Variants in TRAPPC3 observed in about 807,000 individuals in gnomAD.
TRAPPC3 encodes trafficking protein particle complex 3.
Under a neutral mutation model 18.2 loss-of-function variants are expected in TRAPPC3, and 5 were observed. The ratio of observed to expected loss-of-function variants is 0.28; its 90% CI spans 0.14 to 0.58. TRAPPC3 has a LOEUF of 0.58. Among genes scored for constraint, TRAPPC3 ranks in the 20% least tolerant of loss-of-function variants. The pLI is 0.91. For synonymous variants in TRAPPC3, 65 were observed against 84.2 expected (o/e 0.77, Z 1.25); for missense variants, 176 against 225.9 (o/e 0.78, Z 1.41).
intron 1 of TRAPPC3, among the ~76,000 whole-genome samples, chr1:36,145,197 A>AT (rs199723689): frequency 0.062 from 8,974 of 145,374 alleles, 733 homozygotes; most frequent in East Asian, 0.26. Flanking sequence ...AATTTTTTGT[A>AT]TTTTTTTTCT....
chr1:36,149,213 G>A (rs1644245710), intron 1 of TRAPPC3, 124 bp downstream of exon 1: 6 of 1,533,974 alleles, frequency 3.9e-6, no homozygotes, highest in Non-Finnish European at 5.3e-6. Context: ...CCCAGCAAGA[G>A]GCTTCCCCTT....
chr1:36,140,190 C>T (rs1452563769), intron 1 of TRAPPC3, 24 bp from the exon 2 acceptor site: 5 of 1,470,806 alleles, frequency 3.4e-6, no homozygotes, highest in Non-Finnish European at 4.6e-6. Flanking sequence ...AAAAGGCAGT[C>T]AGGACCAAGC....
In TRAPPC3 at chr1:36,137,460, G is replaced by A. The variant is rs534654913; in HGVS notation, c.424-138C>T. 1.6e-5 allele frequency: 14 copies of A among 863,960 alleles called. No homozygotes were observed. In the South Asian group the frequency reaches 1.8e-4, roughly 11 times the overall value. 53.5% of individuals were successfully genotyped at this position (863,960 alleles called of 1,614,324 possible). A position where few individuals can be genotyped will look rare whatever the true frequency, so the allele number is the denominator to read the frequency against. Reference sequence around the variant, plus strand: ...TTCCCACAAGGACAAGATTGACAGCGCCAACATTCTGTTGCATAAGACAAT... The same window carrying A: ...TTCCCACAAGGACAAGATTGACAGCACCAACATTCTGTTGCATAAGACAAT... On this transcript the variant is annotated intron_variant, in intron 4 of 4. Coordinates refer to ENST00000373166, the MANE Select transcript of TRAPPC3 (RefSeq NM_014408.5).
Position 36,139,740 on chromosome 1 carries a change from T to C in TRAPPC3, c.220A>G (p.Thr74Ala). 5.0e-6 allele frequency: 8 copies of C among 1,614,102 alleles called. No individual in the cohort carries two copies. The highest frequency in any genetic ancestry group is 6.8e-6 in the Non-Finnish European group (8 of 1,180,024). ...ATGACCTTGGCAATGACATCCGCAG[T>C]TTCCCGAAAGTCATGGCACCTCCCA... is the stretch of plus-strand genomic sequence containing the variant. ...NVGRCHDFRETADVIAKVAFK... is the reference protein window; with the variant it reads ...NVGRCHDFREAADVIAKVAFK... The change falls in exon 3 of 5, where the codon ACT (threonine) becomes GCT (alanine). Residue 74 changes from threonine to alanine, a missense_variant. Around this residue, in one of 2 missense-constraint regions of TRAPPC3, gnomAD observed 147 missense variants for 164.3 expected, o/e 0.89. Transcript: ENST00000373166.
At chr1:36,139,036 C>CA (rs1472399971) in intron 3 of TRAPPC3, among the ~76,000 whole-genome samples, 13 of 95,168 alleles carry the variant, frequency 1.4e-4, no homozygotes, top group African/African-American at 5.4e-4. Context: ...GACTCCATCT[C>CA]AAAAAAAAGA....
At chr1:36,147,205 C>T (rs1328104623) in intron 1 of TRAPPC3, among the ~76,000 whole-genome samples, 1 of 152,090 alleles carries the variant, frequency 6.6e-6, no homozygotes, top group Non-Finnish European at 1.5e-5. Context: ...TGCCTGTAAT[C>T]CTAGCTACTC....
upstream of TRAPPC3, chr1:36,149,506 G>T: frequency 7.9e-7 from 1 of 1,268,740 alleles, no homozygotes; most frequent in Non-Finnish European, 1.1e-6. Flanking sequence ...CGCCTGCGCG[G>T]CCTCCCGCGG....
chr1:36,148,050 G>A (rs1031419950), intron 1 of TRAPPC3, among the ~76,000 whole-genome samples: 4 of 152,128 alleles, frequency 2.6e-5, no homozygotes, highest in Admixed American at 1.3e-4. Flanking sequence ...TTAATATTAG[G>A]TAGACATTAC....
At chr1:36,152,629 CTCTT>C (rs1309931223), upstream of TRAPPC3, among the ~76,000 whole-genome samples, 1 of 151,320 alleles carries the variant, frequency 6.6e-6, no homozygotes, top group African/African-American at 2.4e-5. Context: ...CTTTAGTATA[CTCTT>C]TTTTTAAAGA....
intron 1 of TRAPPC3, chr1:36,149,103 T>C (rs1282217000): frequency 2.1e-6 from 3 of 1,413,146 alleles, no homozygotes; most frequent in Non-Finnish European, 2.8e-6. Flanking sequence ...GTCGTTGTTG[T>C]TGGCTTAGCA....
rs1644083599 is a variant in TRAPPC3 at position 36,139,985 on chromosome 1, C to T, written c.140+84G>A. 2.1e-6 allele frequency: 3 copies of T among 1,461,790 alleles called. No homozygotes were observed. In the South Asian group the frequency reaches 4.0e-5, roughly 20 times the overall value. The allele number at this position is 1,461,790 out of a possible 1,614,324, so 90.6% of individuals were successfully genotyped here. A position where few individuals can be genotyped will look rare whatever the true frequency, so the allele number is the denominator to read the frequency against. ...ATGTTGGCTAAGAAAGAGAGAGAAC[C>T]CTGTTTTAAGCTCTAAAGGACAATG... On this transcript the variant is annotated intron_variant, in intron 2 of 4. Transcript: ENST00000373166.
intron 1 of TRAPPC3, 88 bp from the exon 2 acceptor site, chr1:36,140,254 A>G: frequency 1.3e-6 from 1 of 787,468 alleles, no homozygotes; most frequent in Non-Finnish European, 1.9e-6. Context: ...TGCAACTGTC[A>G]GGATTCCCTC....
At chr1:36,148,719 C>T (rs1644236216) in intron 1 of TRAPPC3, among the ~76,000 whole-genome samples, 1 of 152,164 alleles carries the variant, frequency 6.6e-6, no homozygotes, top group Admixed American at 6.5e-5. Context: ...CCACCCACTC[C>T]ATTAGAGGGG....
chr1:36,140,134 G>A lies in TRAPPC3; in HGVS notation c.75C>T (p.Ala25=). The change falls in exon 2 of 5, where the codon GCC becomes GCT. Residue 25 remains alanine (A), a synonymous_variant. Coordinates refer to ENST00000373166, the MANE Select transcript of TRAPPC3 (RefSeq NM_014408.5). ...AGTCCTTACATAGCTGGGTGACCAG[G>A]GCACCATAGGTCAGGGTGAAGAGCT... ...SSELFTLTYG[A]LVTQLCKDYE... 1 of 1,603,858 alleles carries A rather than the reference G, an allele frequency of 6.2e-7. No individual in the cohort carries two copies. Among genetic ancestry groups the A allele is most frequent in the South Asian group, 1.1e-5 (1 of 89,026 alleles).
chr1:36,151,936 TG>T (rs1465729308), upstream of TRAPPC3, among the ~76,000 whole-genome samples: 1 of 151,938 alleles, frequency 6.6e-6, no homozygotes, highest in Non-Finnish European at 1.5e-5. Context: ...CCACAGGGAG[TG>T]GGCCCTGGGA....
Position 36,137,284 on chromosome 1 carries a change from G to A in TRAPPC3, c.462C>T (p.Thr154=). 6.2e-7 allele frequency: 1 copy of A among 1,613,128 alleles called. No individual in the cohort carries two copies. The highest frequency in any genetic ancestry group is 8.5e-7 in the Non-Finnish European group (1 of 1,179,226). ...MAVEAKFVQD[T]LKGDGVTEIR... is the part of the protein sequence containing the mutation. ...TTTCTGTCACACCGTCTCCTTTCAG[G>A]GTGTCCTGGACAAACTTGGCCTCCA... The change falls in exon 5 of 5, where the codon ACC becomes ACT. Residue 154 remains threonine (T), a synonymous_variant. Transcript: ENST00000373166.
upstream of TRAPPC3, chr1:36,149,524 C>G: frequency 9.5e-7 from 1 of 1,057,462 alleles, no homozygotes. Flanking sequence ...CGGGGCACCA[C>G]GGGACTAGTG....
chr1:36,147,302 G>A (rs987141082), intron 1 of TRAPPC3, among the ~76,000 whole-genome samples: 2 of 151,850 alleles, frequency 1.3e-5, no homozygotes, highest in East Asian at 1.9e-4. Context: ...CAGCCTAGGT[G>A]ACAGAGCGAG....
chr1:36,141,160 A>C (rs60810323), intron 1 of TRAPPC3, among the ~76,000 whole-genome samples: 2,135 of 90,408 alleles, frequency 0.024, 48 homozygotes, highest in African/African-American at 0.059. Flanking sequence ...TCTGTCAAAA[A>C]AAAAAGAAGA....
Sources: allele counts gnomAD v4.1 joint callset (sites outside exome capture counted in the v4.1 genomes callset), GRCh38; gene constraint gnomAD v4.1.1; regional missense constraint gnomAD v4.1.1; transcripts MANE v1.5; gene names NCBI Gene and HGNC (gene_info 2026-07-23, HGNC 2026-07-21).